CCL25: variants seen among roughly 807,000 people sequenced by gnomAD.
CCL25 encodes C-C motif chemokine 25.
CCL25 carries 14 observed loss-of-function variants against 19.9 expected under a neutral mutation model. The observed-to-expected ratio is 0.70, with a 90% CI of 0.47 to 1.10. The LOEUF (loss-of-function observed/expected upper bound fraction) is 1.10, where lower values mean the gene tolerates loss of function less well. CCL25 is among the 50% of genes least tolerant of loss of function. The probability of loss-of-function intolerance (pLI) is 0.00; values close to 1 mark genes in which losing one functional copy is unlikely to be tolerated. For synonymous variants in CCL25, 68 were observed against 73.2 expected, an observed-to-expected ratio of 0.93 and a Z score of 0.36; for missense variants, 151 against 181.2, an observed-to-expected ratio of 0.83 and a Z score of 0.96.
At chr19:8,059,231 C>G (rs1252994394) in intron 5 of CCL25, among the ~76,000 whole-genome samples, 1 of 142,160 alleles carries the variant, frequency 7.0e-6, no homozygotes, top group Non-Finnish European at 1.5e-5. Flanking sequence ...CAGGGTCTCA[C>G]TCTGTTGCTG....
Position 8,052,785 on chromosome 19 carries a change from C to T in CCL25, c.-88C>T. The T allele has an allele frequency of 2.3e-6, 1 of 440,492 alleles. No homozygotes were observed. Among genetic ancestry groups the T allele is most frequent in the Non-Finnish European group, 4.0e-6 (1 of 247,804 alleles). The allele number at this position is 440,492 out of a possible 1,614,324, so 27.3% of individuals were successfully genotyped here. ...GCAGATGGGACAGCTTGGCCTACAGCCCGGCGGGCATCAGCTCCCTTGACC... is the reference window on the plus strand; with the variant it reads ...GCAGATGGGACAGCTTGGCCTACAGTCCGGCGGGCATCAGCTCCCTTGACC... On this transcript the variant is annotated 5_prime_UTR_variant, in exon 1 of 6. Transcript: ENST00000315626.
rs2081243180 is a variant in CCL25, at chr19:8,053,035, G to A, written c.-15G>A. 2 of 1,545,826 alleles carry A rather than the reference G, an allele frequency of 1.3e-6. No individual in the cohort carries two copies. The highest frequency in any genetic ancestry group is 1.7e-6 in the Non-Finnish European group (2 of 1,144,104). On this transcript the variant is annotated 5_prime_UTR_variant, in exon 2 of 6. Coordinates refer to ENST00000315626, the MANE Select transcript of CCL25 (RefSeq NM_005624.4). ...TATTCGTCCAGGTGCCCAGGGAGGAGGACCCGCCTGCAGCATGAACCTGTG... is the reference window on the plus strand; with the variant it reads ...TATTCGTCCAGGTGCCCAGGGAGGAAGACCCGCCTGCAGCATGAACCTGTG...
At chr19:8,053,547 A>AT (rs57912076) in intron 2 of CCL25, among the ~76,000 whole-genome samples, 23,855 of 120,620 alleles carry the variant, frequency 0.2, 2,760 homozygotes, top group African/African-American at 0.25. Context: ...CTCCTAAACC[A>AT]TTTTTTTTTT....
chr19:8,062,265 G>A lies in CCL25; in HGVS notation c.*40G>A, dbSNP rs530231261. On this transcript the variant is annotated 3_prime_UTR_variant, in exon 6 of 6. Transcript: ENST00000315626. ...GGGCTCCATCGGCACAGGAGGGGCC[G>A]GATCTTTCTCCGATAAAACCGTCGC... 148 of 1,611,280 alleles carry A rather than the reference G, an allele frequency of 9.2e-5. No homozygotes were observed. The highest frequency in any genetic ancestry group is 2.0e-4 in the Middle Eastern group (1 of 4,922).
At chr19:8,054,733 C>G (rs544063096) in intron 2 of CCL25, among the ~76,000 whole-genome samples, 13 of 151,756 alleles carry the variant, frequency 8.6e-5, no homozygotes, top group Admixed American at 3.9e-4. Flanking sequence ...CCCGGGAGCT[C>G]CCTGAAGACA....
chr19:8,053,148 C>T (rs2081244776), intron 2 of CCL25, 26 bp downstream of exon 2: 6 of 1,482,278 alleles, frequency 4.0e-6, no homozygotes, highest in Non-Finnish European at 5.5e-6. Context: ...ATGCCTACCA[C>T]CAAGTGCCCC....
intron 2 of CCL25, among the ~76,000 whole-genome samples, chr19:8,055,789 A>C (rs1334340097): frequency 1.3e-5 from 2 of 152,112 alleles, no homozygotes; most frequent in Non-Finnish European, 2.9e-5. Context: ...GCTCATTTTT[A>C]GGAGGGAAGA....
At chr19:8,055,494 C>A (rs1029335588) in intron 2 of CCL25, among the ~76,000 whole-genome samples, 2 of 151,590 alleles carry the variant, frequency 1.3e-5, no homozygotes, top group East Asian at 2.0e-4. Flanking sequence ...CACCACCACA[C>A]CCGGCTAATT....
At chr19:8,055,673 A>G (rs554135925) in intron 2 of CCL25, among the ~76,000 whole-genome samples, 1 of 151,488 alleles carries the variant, frequency 6.6e-6, no homozygotes, top group South Asian at 2.1e-4. Flanking sequence ...GTTTCACCAT[A>G]TTGGCCAGGC....
In CCL25 at chr19:8,056,547, T is replaced by C. The variant is rs758127177; in HGVS notation, c.325+48T>C. ...ATCTAGGGGGCCTGCCCTCCCTGCCTGCAAGCCCATGTGTGGTTCAGACCC... is the reference window on the plus strand; with the variant it reads ...ATCTAGGGGGCCTGCCCTCCCTGCCCGCAAGCCCATGTGTGGTTCAGACCC... On this transcript the variant is annotated intron_variant, in intron 4 of 5. Transcript: ENST00000315626. 1.8e-5 allele frequency: 29 copies of C among 1,607,284 alleles called. 1 individual carries two copies. The South Asian group carries it at 2.4e-4, about 13-fold the overall frequency.
At chr19:8,058,409 AAT>A (rs370364502) in intron 5 of CCL25, among the ~76,000 whole-genome samples, 14,909 of 114,218 alleles carry the variant, frequency 0.13, 1,473 homozygotes, top group African/African-American at 0.2. Context: ...ATAATATATA[AAT>A]ATATATAATA....
intron 2 of CCL25, among the ~76,000 whole-genome samples, chr19:8,053,665 C>T (rs2081248827): frequency 6.6e-6 from 1 of 151,650 alleles, no homozygotes; most frequent in South Asian, 2.1e-4. Flanking sequence ...CCTTCTGCCT[C>T]AGCCTCCCAA....
intron 5 of CCL25, 97 bp from the exon 6 acceptor site, chr19:8,062,121 T>C: frequency 8.4e-7 from 1 of 1,187,386 alleles, no homozygotes; most frequent in Non-Finnish European, 1.3e-6. Context: ...ACAAGGGTTT[T>C]AGGAGCTGTA....
At position 8,059,133 on chromosome 19, in the gene CCL25, ATATAT is replaced by A. The variant is rs1599233294; in HGVS notation, c.445+1219_445+1223del. On this transcript the variant is annotated intron_variant, in intron 5 of 5. Transcript: ENST00000315626. Reference sequence around the variant, plus strand: ...ATATAATATATAAATATATATAAATATATATTATATAATATATAATATATATAATA... The same window carrying A: ...ATATAATATATAAATATATATAAATATATATAATATATAATATATATAATA... 4.9e-5 allele frequency among the ~76,000 whole-genome samples: 4 copies of A among 81,036 alleles called. No homozygotes were observed. In the East Asian group the frequency reaches 1.1e-3, roughly 23 times the overall value. The allele number at this position is 81,036 out of a possible 152,430, so 53.2% of individuals were successfully genotyped here. A position where few individuals can be genotyped will look rare whatever the true frequency, so the allele number is the denominator to read the frequency against.
Position 8,057,798 on chromosome 19 carries a change from C to T in CCL25, c.326-3C>T, listed in dbSNP as rs1210477761. 6.2e-7 allele frequency: 1 copy of T among 1,611,614 alleles called. No homozygotes were observed. The highest frequency in any genetic ancestry group is 1.7e-5 in the Admixed American group (1 of 59,770). ...TTGCTTATTTCTCTCTCCATTTCTCCAGCAGGCCCTCATGCTGTAAAGAAG... is the reference window on the plus strand; with the variant it reads ...TTGCTTATTTCTCTCTCCATTTCTCTAGCAGGCCCTCATGCTGTAAAGAAG... On this transcript the variant is annotated splice_polypyrimidine_tract_variant and splice_region_variant and intron_variant, in intron 4 of 5. Transcript: ENST00000315626.
chr19:8,061,915 T>G (rs1180091310), intron 5 of CCL25, among the ~76,000 whole-genome samples: 2 of 151,612 alleles, frequency 1.3e-5, no homozygotes, highest in Non-Finnish European at 1.5e-5. Flanking sequence ...CCGGGCATGG[T>G]GGTACTCGCC....
chr19:8,056,467 C>T lies in CCL25; in HGVS notation c.293C>T (p.Ala98Val). The change falls in exon 4 of 6, where the codon GCA becomes GTA. Residue 98 changes from alanine to valine, a missense_variant. Transcript: ENST00000315626. ...CTGGATGCTCGAAATAAGGTTTTTG[C>T]AAAGCTCCACCACAACACGCAGACC... is the stretch of plus-strand genomic sequence containing the variant. The part of the protein sequence containing the change: ...KLLDARNKVF[A>V]KLHHNTQTFQ... The T allele has an allele frequency of 6.2e-7, 1 of 1,614,102 alleles. No individual in the cohort carries two copies. The highest frequency in any genetic ancestry group is 8.5e-7 in the Non-Finnish European group (1 of 1,180,004).
chr19:8,058,731 T>C lies in CCL25; in HGVS notation c.445+811T>C, dbSNP rs1376708452. On this transcript the variant is annotated intron_variant, in intron 5 of 5. Coordinates refer to ENST00000315626, the MANE Select transcript of CCL25 (RefSeq NM_005624.4). ...TGGAGTGCAGTGGCGCGATCTTGGC[T>C]CACTGCAAGCTCCACCTTCCGGGTT... Among the ~76,000 whole-genome samples the C allele has an allele frequency of 4.3e-5, 6 of 139,826 alleles. No homozygotes were observed. The East Asian group carries it at 1.2e-3, about 28-fold the overall frequency. The allele number at this position is 139,826 out of a possible 152,430, so 91.7% of individuals were successfully genotyped here.
At chr19:8,059,345 T>G (rs1432838330) in intron 5 of CCL25, among the ~76,000 whole-genome samples, 3 of 150,672 alleles carry the variant, frequency 2.0e-5, no homozygotes, top group East Asian at 3.9e-4. Flanking sequence ...ATTACAGGCA[T>G]GCATCACCAC....
Sources: gnomAD v4.1 joint callset for allele counts (sites outside exome capture counted in the v4.1 genomes callset) on GRCh38, gnomAD v4.1.1 for gene constraint, MANE v1.5 for transcripts, NCBI Gene and HGNC (gene_info 2026-07-23, HGNC 2026-07-21) for gene names.